EML1: variants seen among roughly 807,000 people sequenced by gnomAD.
EML1 encodes the protein EMAP like 1.
In EML1, 27 loss-of-function variants were observed where a neutral mutation model predicts 110.4. That is an observed-to-expected ratio of 0.24 (90% CI 0.18 to 0.34). The LOEUF is 0.34. Ranked by LOEUF, EML1 falls within the 10% of genes least tolerant of loss-of-function variation. The pLI is 1.00. For synonymous variants in EML1, 344 were observed against 385.8 expected (o/e 0.89, Z 1.27); for missense variants, 741 against 1,030.9 (o/e 0.72, Z 3.85).
chr14:99,844,470 C>T (rs1428025558), intron 1 of EML1, among the ~76,000 whole-genome samples: 5 of 88,514 alleles, frequency 5.6e-5, no homozygotes, highest in Admixed American at 2.1e-4. Context: ...CAGAGTGAGA[C>T]TTTGTCAAAA....
chr14:99,777,050 G>A (rs1163514650), intron 1 of EML1, among the ~76,000 whole-genome samples: 1 of 152,154 alleles, frequency 6.6e-6, no homozygotes, highest in Non-Finnish European at 1.5e-5. Flanking sequence ...GGTCCTCTCT[G>A]AGCAGGAATT....
chr14:99,765,613 A>T (rs58522930), intron 1 of EML1, among the ~76,000 whole-genome samples: 3,072 of 151,934 alleles, frequency 0.02, 66 homozygotes, highest in African/African-American at 0.059. Context: ...ATATATATAT[A>T]TATTTTTTGA....
intron 1 of EML1, among the ~76,000 whole-genome samples, chr14:99,766,765 G>A (rs1175251914): frequency 3.3e-5 from 5 of 152,146 alleles, no homozygotes; most frequent in Non-Finnish European, 5.9e-5. Context: ...AAAATTTAAC[G>A]AAGCCAGCTG....
intron 1 of EML1, among the ~76,000 whole-genome samples, chr14:99,748,627 C>T (rs1031796075): frequency 1.3e-5 from 2 of 152,020 alleles, no homozygotes; most frequent in Non-Finnish European, 2.9e-5. Context: ...CACTGCACTC[C>T]AGCCTGGGCA....
chr14:99,844,257 G>C (rs532596089), intron 1 of EML1, among the ~76,000 whole-genome samples: 50 of 152,256 alleles, frequency 3.3e-4, no homozygotes, highest in African/African-American at 1.1e-3. Context: ...GAGGCGGGCG[G>C]ATCACAAGGT....
At chr14:99,920,246 C>T (rs867760522) in intron 16 of EML1, among the ~76,000 whole-genome samples, 15 of 152,166 alleles carry the variant, frequency 9.9e-5, no homozygotes, top group African/African-American at 2.9e-4. Context: ...TCCTCCACTC[C>T]AATTTCTCCC....
chr14:99,783,912 G>A lies in EML1; in HGVS notation c.-27+9899G>A, dbSNP rs145554191. Among the ~76,000 whole-genome samples the A allele has an allele frequency of 9.2e-5, 14 of 152,270 alleles. No individual in the cohort carries two copies. In the East Asian group the frequency reaches 2.1e-3, roughly 23 times the overall value. On this transcript the variant is annotated intron_variant, in intron 1 of 22. Coordinates refer to the EML1 transcript ENST00000327921. Reference sequence around the variant, plus strand: ...GGTTAGTCTGTGGCATGCCAGGAACGGCCATAAAACCTTACAGGCAACGCG... The same window carrying A: ...GGTTAGTCTGTGGCATGCCAGGAACAGCCATAAAACCTTACAGGCAACGCG...
chr14:99,809,721 A>G (rs563253675), intron 1 of EML1: 1 of 456,100 alleles, frequency 2.2e-6, no homozygotes, highest in South Asian at 1.5e-5. Flanking sequence ...CCTGATCTGA[A>G]ATCATTTGAT....
intron 1 of EML1, among the ~76,000 whole-genome samples, chr14:99,804,094 A>G (rs2139691713): frequency 6.6e-6 from 1 of 152,302 alleles, no homozygotes; most frequent in South Asian, 2.1e-4. Flanking sequence ...CCCACACTCC[A>G]CTGCTCCCAA....
rs565301745 is a variant in EML1 at position 99,936,818 on chromosome 14, G to A, written c.2095+484G>A. ...TGGCCAGTCTCTGGGCCCAGGCAGT[G>A]CTTGGGAACAGCGAGGATGATCGTG... On this transcript the variant is annotated intron_variant, in intron 19 of 21. Transcript: ENST00000262233. This position sits in a 1 kb window ranked among gnomAD's most constrained non-coding sequence, Gnocchi z 5.5. Among the ~76,000 whole-genome samples, 79 of 152,300 alleles carry A rather than the reference G, an allele frequency of 5.2e-4. No homozygotes were observed. The highest frequency in any genetic ancestry group is 2.5e-3 in the East Asian group (13 of 5,172).
At chr14:99,872,585 A>AT (rs2059223789) in intron 3 of EML1, among the ~76,000 whole-genome samples, 1 of 152,116 alleles carries the variant, frequency 6.6e-6, no homozygotes, top group South Asian at 2.1e-4. Flanking sequence ...AAGTGTAGTG[A>AT]TTCATGTATT....
chr14:99,759,602 T>C (rs1171830673), intron 1 of EML1, among the ~76,000 whole-genome samples: 2 of 152,178 alleles, frequency 1.3e-5, no homozygotes, highest in Non-Finnish European at 2.9e-5. Flanking sequence ...TGGGAAGGAA[T>C]CGGGTGCACC....
rs113616200 is a variant in EML1, at chr14:99,784,878, G to T, written c.-27+10865G>T. Among the ~76,000 whole-genome samples, 1,604 of 152,314 alleles carry T rather than the reference G, an allele frequency of 0.011. 20 individuals carry two copies. Among genetic ancestry groups the T allele is most frequent in the African/African-American group, 0.037 (1,526 of 41,560 alleles). On this transcript the variant is annotated intron_variant, in intron 1 of 22. Coordinates refer to the EML1 transcript ENST00000327921. The surrounding 1 kb of genome is among the most constrained non-coding windows in gnomAD (Gnocchi z 4.5). Reference sequence around the variant, plus strand: ...ACTGAGTGGAAAGACATTTCCAACAGCAGGAATCTCACAACCAAAGCCCCA... The same window carrying T: ...ACTGAGTGGAAAGACATTTCCAACATCAGGAATCTCACAACCAAAGCCCCA...
chr14:99,853,201 A>G (rs926226928), intron 2 of EML1, among the ~76,000 whole-genome samples: 4 of 152,242 alleles, frequency 2.6e-5, no homozygotes, highest in African/African-American at 7.2e-5. Context: ...TCTTTTTCTA[A>G]CTGTAAGCAA....
intron 17 of EML1, among the ~76,000 whole-genome samples, chr14:99,922,168 T>G (rs890810471): frequency 6.6e-5 from 10 of 152,196 alleles, no homozygotes; most frequent in Admixed American, 6.5e-4. Flanking sequence ...TGATGGATTT[T>G]TTTTTTTTGA....
intron 13 of EML1, 94 bp from the exon 14 acceptor site, chr14:99,914,085 T>A (rs192306849): frequency 6.8e-7 from 1 of 1,472,932 alleles, no homozygotes; most frequent in Admixed American, 1.9e-5. Flanking sequence ...AAAACTGTTA[T>A]AGGGACTATC....
intron 1 of EML1, among the ~76,000 whole-genome samples, chr14:99,774,618 A>G (rs529610699): frequency 1.3e-4 from 20 of 152,286 alleles, no homozygotes; most frequent in Non-Finnish European, 2.4e-4. Context: ...CATAATTTCA[A>G]TAGCTCCACT....
intron 1 of EML1, among the ~76,000 whole-genome samples, chr14:99,847,091 T>C (rs537970283): frequency 1.3e-5 from 2 of 152,334 alleles, no homozygotes; most frequent in South Asian, 2.1e-4. Context: ...TCTCCTGATA[T>C]CTTCTTTGAT....
At chr14:99,814,759 A>G (rs913118179) in intron 1 of EML1, among the ~76,000 whole-genome samples, 4 of 152,214 alleles carry the variant, frequency 2.6e-5, no homozygotes, top group Non-Finnish European at 2.9e-5. Context: ...GCAGCCAATA[A>G]GACATCTTCC....
Sources: gnomAD v4.1 joint callset for allele counts (sites outside exome capture counted in the v4.1 genomes callset) on GRCh38, gnomAD v4.1.1 for gene constraint, Gnocchi (gnomAD v3.1) non-coding constraint, MANE v1.5 for transcripts, NCBI Gene and HGNC (gene_info 2026-07-23, HGNC 2026-07-21) for gene names.